The following ZNF521 variants were observed in gnomAD, a reference collection of about 807,000 sequenced individuals.
ZNF521 encodes zinc finger protein 521, also known as LYST-interacting protein 3.
A neutral mutation model predicts 105.5 loss-of-function variants in ZNF521; 14 were observed. The observed-to-expected ratio is 0.13, with a 90% CI of 0.09 to 0.21. The LOEUF (loss-of-function observed/expected upper bound fraction) is 0.21, where lower values mean the gene tolerates loss of function less well. ZNF521 is among the 10% of genes least tolerant of loss of function. The probability of loss-of-function intolerance (pLI) is 1.00; values close to 1 mark genes in which losing one functional copy is unlikely to be tolerated. For missense variants in ZNF521, 1,233 were observed against 1,629.7 expected, an observed-to-expected ratio of 0.76 and a Z score of 4.19; for synonymous variants, 635 against 606.0, an observed-to-expected ratio of 1.05 and a Z score of -0.70.
At chr18:25,160,634 GTTCT>G (rs2035234284) in intron 5 of ZNF521, among the ~76,000 whole-genome samples, 1 of 152,176 alleles carries the variant, frequency 6.6e-6, no homozygotes, top group African/African-American at 2.4e-5. Flanking sequence ...GCGCATATGT[GTTCT>G]CTAGGTTTTG....
rs76271446 is a variant in ZNF521, at chr18:25,172,029, G to C, written c.3658+23131C>G. Among the ~76,000 whole-genome samples, 736 of 151,906 alleles carry C rather than the reference G, an allele frequency of 4.8e-3. 5 individuals carry two copies. Among genetic ancestry groups the C allele is most frequent in the African/African-American group, 0.017 (702 of 41,420 alleles). On this transcript the variant is annotated intron_variant, in intron 5 of 7. Transcript: ENST00000361524. Reference sequence around the variant, plus strand: ...ATATGATTCCTGCAGTTCTCTTTTGGGGGGGAAGAGGGGGCATGAGGTGGA... The same window carrying C: ...ATATGATTCCTGCAGTTCTCTTTTGCGGGGGAAGAGGGGGCATGAGGTGGA...
At position 25,327,587 on chromosome 18, in the gene ZNF521, C is replaced by T. The variant is rs115621614; in HGVS notation, c.41-5400G>A. On this transcript the variant is annotated intron_variant, in intron 2 of 7. Transcript: ENST00000361524. The stretch of plus-strand genomic sequence containing the variant: ...CAGAGAAAAAGTTACCTTCAGGCTA[C>T]AAAGAGTTAACAAGAAGTAGAAAGC... 5.7e-4 allele frequency: 331 copies of T among 581,984 alleles called. 2 individuals carry two copies. The highest frequency in any genetic ancestry group is 5.2e-3 in the African/African-American group (273 of 52,988). 36.1% of individuals were successfully genotyped at this position (581,984 alleles called of 1,614,324 possible). A position where few individuals can be genotyped will look rare whatever the true frequency, so the allele number is the denominator to read the frequency against.
intron 7 of ZNF521, among the ~76,000 whole-genome samples, chr18:25,075,436 C>T (rs2144142463): frequency 6.6e-6 from 1 of 152,274 alleles, no homozygotes; most frequent in East Asian, 1.9e-4. Context: ...TGACTCCTGC[C>T]ACCGGGCTCT....
At chr18:25,071,380 T>C (rs187555737) in intron 7 of ZNF521, among the ~76,000 whole-genome samples, 1 of 152,356 alleles carries the variant, frequency 6.6e-6, no homozygotes, top group African/African-American at 2.4e-5. Flanking sequence ...ATACCATTGA[T>C]GAACAAAGAT....
intron 4 of ZNF521, 30 bp downstream of exon 4, chr18:25,224,315 A>G (rs976225027): frequency 1.3e-6 from 2 of 1,576,014 alleles, no homozygotes; most frequent in Non-Finnish European, 1.7e-6. Flanking sequence ...TGAGGAGGTT[A>G]AATAGCAAAC....
chr18:25,317,378 A>T (rs113133128), intron 3 of ZNF521, among the ~76,000 whole-genome samples: 2 of 152,160 alleles, frequency 1.3e-5, no homozygotes, highest in Admixed American at 6.5e-5. Flanking sequence ...CTTCGATTCA[A>T]TTTTATAGAG....
At chr18:25,237,534 C>T (rs1487578433) in intron 3 of ZNF521, among the ~76,000 whole-genome samples, 1 of 152,082 alleles carries the variant, frequency 6.6e-6, no homozygotes, top group Non-Finnish European at 1.5e-5. Context: ...CCCATGATAC[C>T]TCCACATACT....
At chr18:25,113,793 C>CAGAG (rs56285004) in intron 5 of ZNF521, among the ~76,000 whole-genome samples, 1 of 147,870 alleles carries the variant, frequency 6.8e-6, no homozygotes, top group African/African-American at 2.5e-5. Flanking sequence ...CACACACACA[C>CAGAG]AGAGACGGGG....
chr18:25,192,638 C>T (rs1201916011), intron 5 of ZNF521, among the ~76,000 whole-genome samples: 2 of 151,580 alleles, frequency 1.3e-5, no homozygotes, highest in South Asian at 2.1e-4. Flanking sequence ...CAGATAGTCC[C>T]TAATCCCCCT....
chr18:25,062,667 T>G lies in ZNF521; in HGVS notation c.*45A>C, dbSNP rs754428499. On this transcript the variant is annotated 3_prime_UTR_variant, in exon 8 of 8. Coordinates refer to ENST00000361524, the MANE Select transcript of ZNF521 (RefSeq NM_015461.3). The stretch of plus-strand genomic sequence containing the variant: ...CGTGCAAAGAGTAAAACATGTTCCC[T>G]TTTTGTGCCACAAAATCAATTCTCC... 6.9e-6 allele frequency: 11 copies of G among 1,586,342 alleles called. No individual in the cohort carries two copies. Among genetic ancestry groups the G allele is most frequent in the Admixed American group, 3.7e-5 (2 of 54,660 alleles).
chr18:25,101,933 G>A (rs1272400520), intron 5 of ZNF521, among the ~76,000 whole-genome samples: 1 of 152,008 alleles, frequency 6.6e-6, no homozygotes, highest in Non-Finnish European at 1.5e-5. Flanking sequence ...ATAACAATAA[G>A]CAATTAAAGA....
chr18:25,333,314 CTATATA>C (rs67351091), intron 2 of ZNF521, among the ~76,000 whole-genome samples: 2 of 145,776 alleles, frequency 1.4e-5, no homozygotes, highest in East Asian at 2.0e-4. Flanking sequence ...CTCTCTCTCT[CTATATA>C]TATATATATA....
intron 3 of ZNF521, among the ~76,000 whole-genome samples, chr18:25,279,173 T>C (rs1190952695): frequency 6.6e-6 from 1 of 152,192 alleles, no homozygotes; most frequent in Non-Finnish European, 1.5e-5. Context: ...GAGAGTGGCA[T>C]TGTTTATACA....
intron 5 of ZNF521, among the ~76,000 whole-genome samples, chr18:25,160,136 A>G (rs550635819): frequency 2.0e-5 from 3 of 152,208 alleles, no homozygotes; most frequent in Non-Finnish European, 4.4e-5. Context: ...TGGATTAGCC[A>G]TCAGGGGGTT....
chr18:25,086,106 T>C (rs960282124), intron 7 of ZNF521, among the ~76,000 whole-genome samples: 1 of 152,120 alleles, frequency 6.6e-6, no homozygotes. Flanking sequence ...AAAATTTACA[T>C]TTATTTTGCA....
intron 7 of ZNF521, among the ~76,000 whole-genome samples, chr18:25,088,844 ATGTT>A (rs890319828): frequency 7.9e-5 from 12 of 152,160 alleles, no homozygotes; most frequent in East Asian, 3.9e-4. Context: ...TATAAGTGTG[ATGTT>A]TGTTTATTTC....
At chr18:25,078,823 C>G (rs1250083544) in intron 7 of ZNF521, among the ~76,000 whole-genome samples, 4 of 152,202 alleles carry the variant, frequency 2.6e-5, no homozygotes, top group Non-Finnish European at 5.9e-5. Flanking sequence ...TTTCAGCACA[C>G]GCCCTCTGCA....
chr18:25,293,624 T>G (rs946282214), intron 3 of ZNF521, among the ~76,000 whole-genome samples: 22 of 152,236 alleles, frequency 1.4e-4, no homozygotes, highest in African/African-American at 5.3e-4. Flanking sequence ...CTTGGAGATT[T>G]TATGCTCTAC....
intron 4 of ZNF521, chr18:25,202,373 T>C (rs1030899913): frequency 1.3e-5 from 2 of 152,242 alleles, no homozygotes; most frequent in South Asian, 4.1e-4. Context: ...ATATTCAGTA[T>C]CACAAGTAAT....
Sources: allele counts gnomAD v4.1 joint callset (sites outside exome capture counted in the v4.1 genomes callset), GRCh38; gene constraint gnomAD v4.1.1; transcripts MANE v1.5; gene names NCBI Gene and HGNC (gene_info 2026-07-23, HGNC 2026-07-21).